CREG2: variants seen among roughly 807,000 people sequenced by gnomAD.
The protein encoded by CREG2 is protein CREG2.
In CREG2, 24 loss-of-function variants were observed where a neutral mutation model predicts 26.2. The observed-to-expected ratio is 0.92, with a 90% confidence interval of 0.66 to 1.29. CREG2 has a LOEUF of 1.29. Among genes scored for constraint, CREG2 ranks in the 50% most tolerant of loss-of-function variants. The probability of loss-of-function intolerance (pLI) is 0.00; values close to 1 mark genes in which losing one functional copy is unlikely to be tolerated. For synonymous variants in CREG2, 174 were observed against 169.2 expected (o/e 1.03, Z -0.22); for missense variants, 366 against 398.6 (o/e 0.92, Z 0.70).
rs1218300284 is a variant in CREG2, at chr2:101,346,147, C to G, written c.*4776G>C. 6.7e-6 allele frequency: 1 copy of G among 149,858 alleles called. No homozygotes were observed. The highest frequency in any genetic ancestry group is 1.5e-5 in the Non-Finnish European group (1 of 67,572). 9.3% of individuals were successfully genotyped at this position (149,858 alleles called of 1,614,324 possible). The stretch of plus-strand genomic sequence containing the variant: ...AGCTACCTTGCTCAGCCTAGAAATA[C>G]TTTTCAACCAAAAAGCGACTCTCTT... On this transcript the variant is annotated 3_prime_UTR_variant, in exon 4 of 4. Transcript: ENST00000324768.
Position 101,348,675 on chromosome 2 carries a change from GTTTT to G in CREG2, c.*2244_*2247del, listed in dbSNP as rs911083708. The G allele has an allele frequency of 6.8e-6, 1 of 147,162 alleles. No homozygotes were observed. The highest frequency in any genetic ancestry group is 2.5e-5 in the African/African-American group (1 of 40,568). The allele number at this position is 147,162 out of a possible 1,614,324, so 9.1% of individuals were successfully genotyped here. The stretch of plus-strand genomic sequence containing the variant: ...GTTGCACTCACATACTAGTTCCAGA[GTTTT>G]TTTTTAAAAAAAATAGATTATTTGG... On this transcript the variant is annotated 3_prime_UTR_variant, in exon 4 of 4. Transcript: ENST00000324768.
intron 3 of CREG2, among the ~76,000 whole-genome samples, chr2:101,353,262 A>T (rs1014764142): frequency 3.9e-5 from 6 of 152,218 alleles, no homozygotes; most frequent in South Asian, 2.1e-4. Context: ...CTTTAGTTTA[A>T]TTAGATCCCA....
intron 2 of CREG2, among the ~76,000 whole-genome samples, chr2:101,362,760 A>G (rs1211871374): frequency 3.3e-5 from 5 of 152,002 alleles, no homozygotes; most frequent in African/African-American, 1.2e-4. Flanking sequence ...TCCCCCTTTC[A>G]CCTGACTTTA....
In CREG2 at chr2:101,348,170, T is replaced by TC. The variant is rs1684330161; in HGVS notation, c.*2752dup. On this transcript the variant is annotated 3_prime_UTR_variant, in exon 4 of 4. Coordinates refer to ENST00000324768, the MANE Select transcript of CREG2 (RefSeq NM_153836.4). ...TGTTCCATCAATGTGTTTCTATGCC[T>TC]CCACCAAATACCACACTTCTTGAAT... 3 of 152,224 alleles carry TC rather than the reference T, an allele frequency of 2.0e-5. No individual in the cohort carries two copies. The South Asian group carries it at 6.2e-4, about 31-fold the overall frequency. 9.4% of individuals were successfully genotyped at this position (152,224 alleles called of 1,614,324 possible). A position where few individuals can be genotyped will look rare whatever the true frequency, so the allele number is the denominator to read the frequency against.
chr2:101,382,446 T>TAAGAA (rs1248361827), intron 2 of CREG2: 34 of 922,072 alleles, frequency 3.7e-5, no homozygotes, highest in Admixed American at 7.0e-5. Flanking sequence ...AAAAAAAGAG[T>TAAGAA]AAGAAAAGAA....
At chr2:101,354,807 A>T (rs1684431817) in intron 3 of CREG2, among the ~76,000 whole-genome samples, 1 of 152,012 alleles carries the variant, frequency 6.6e-6, no homozygotes, top group Non-Finnish European at 1.5e-5. Context: ...GGAGAGTTTG[A>T]TTCAGTAAGT....
rs113558023 is a variant in CREG2, at chr2:101,383,287, C to T, written c.611+246G>A. On this transcript the variant is annotated intron_variant, in intron 2 of 3. Transcript: ENST00000324768. ...TATTTCCAGCACTTGCAATAACCCT[C>T]GGAGGCAAAGATTATTATTCCCATT... 4.0e-3 allele frequency among the ~76,000 whole-genome samples: 604 copies of T among 152,276 alleles called. 6 individuals are homozygous for T. Among genetic ancestry groups the T allele is most frequent in the African/African-American group, 0.014 (569 of 41,548 alleles).
At chr2:101,382,789 T>C in intron 2 of CREG2, 1 of 985,448 alleles carries the variant, frequency 1.0e-6, no homozygotes, top group Non-Finnish European at 1.2e-6. Flanking sequence ...AAAGCATCAC[T>C]ACATTTAGGT....
intron 2 of CREG2, among the ~76,000 whole-genome samples, chr2:101,359,186 G>C (rs2104472731): frequency 6.6e-6 from 1 of 152,226 alleles, no homozygotes; most frequent in South Asian, 2.1e-4. Context: ...GGCAACTTGA[G>C]AGATCAAGTG....
At chr2:101,381,467 C>T (rs919475130) in intron 2 of CREG2, among the ~76,000 whole-genome samples, 7 of 152,244 alleles carry the variant, frequency 4.6e-5, no homozygotes, top group Non-Finnish European at 1.0e-4. Flanking sequence ...TCTGGGCTTA[C>T]GCCGATTATG....
chr2:101,370,381 A>G (rs1315689104), intron 2 of CREG2, among the ~76,000 whole-genome samples: 1 of 152,178 alleles, frequency 6.6e-6, no homozygotes, highest in Non-Finnish European at 1.5e-5. Context: ...TGGTGCTGAG[A>G]GTGTGCTCAA....
At chr2:101,378,253 T>C (rs1684819625) in intron 2 of CREG2, among the ~76,000 whole-genome samples, 2 of 152,218 alleles carry the variant, frequency 1.3e-5, no homozygotes, top group African/African-American at 4.8e-5. Flanking sequence ...TTGACTTCAT[T>C]TTACAAATGA....
chr2:101,375,675 G>A, intron 2 of CREG2: 1 of 198,822 alleles, frequency 5.0e-6, no homozygotes, highest in East Asian at 1.3e-4. Context: ...TCACGTCTAG[G>A]CATTTCCTCG....
At chr2:101,367,505 A>G (rs1684635981) in intron 2 of CREG2, among the ~76,000 whole-genome samples, 1 of 152,244 alleles carries the variant, frequency 6.6e-6, no homozygotes, top group African/African-American at 2.4e-5. Context: ...TGTAGCATAC[A>G]TTAGAATAAA....
Position 101,350,615 on chromosome 2 carries a change from C to A in CREG2, c.*308G>T. On this transcript the variant is annotated 3_prime_UTR_variant, in exon 4 of 4. Coordinates refer to ENST00000324768, the MANE Select transcript of CREG2 (RefSeq NM_153836.4). Reference sequence around the variant, plus strand: ...TTTTTTTCCTTAAACAATGAAACAACAATGATCTCAACATGTCATTTTGAC... The same window carrying A: ...TTTTTTTCCTTAAACAATGAAACAAAAATGATCTCAACATGTCATTTTGAC... 1 of 231,994 alleles carries A rather than the reference C, an allele frequency of 4.3e-6. No homozygotes were observed. Among genetic ancestry groups the A allele is most frequent in the Non-Finnish European group, 8.3e-6 (1 of 120,810 alleles). 14.4% of individuals were successfully genotyped at this position (231,994 alleles called of 1,614,324 possible).
rs142342232 is a variant in CREG2, at chr2:101,381,433, C to T, written c.611+2100G>A. On this transcript the variant is annotated intron_variant, in intron 2 of 3. Coordinates refer to ENST00000324768, the MANE Select transcript of CREG2 (RefSeq NM_153836.4). Reference sequence around the variant, plus strand: ...AAAATGTAAAGCTCCACTTGGAATGCGAACCTCACACAGGTGAGTCACATC... The same window carrying T: ...AAAATGTAAAGCTCCACTTGGAATGTGAACCTCACACAGGTGAGTCACATC... Among the ~76,000 whole-genome samples, 14 of 152,320 alleles carry T rather than the reference C, an allele frequency of 9.2e-5. No individual in the cohort carries two copies. In the South Asian group the frequency reaches 1.2e-3, roughly 14 times the overall value.
intron 2 of CREG2, among the ~76,000 whole-genome samples, chr2:101,356,726 G>A (rs1463627145): frequency 6.6e-6 from 1 of 152,118 alleles, no homozygotes; most frequent in Non-Finnish European, 1.5e-5. Context: ...ACCTGCACTG[G>A]AGGGTTCCTT....
chr2:101,381,531 T>G (rs563153714), intron 2 of CREG2, among the ~76,000 whole-genome samples: 16 of 152,368 alleles, frequency 1.1e-4, no homozygotes, highest in African/African-American at 2.6e-4. Context: ...AAGCTTTGCA[T>G]TGAAGTGTGA....
chr2:101,383,997 T>C (rs1395919567), intron 1 of CREG2, among the ~76,000 whole-genome samples: 2 of 152,192 alleles, frequency 1.3e-5, no homozygotes, highest in Non-Finnish European at 2.9e-5. Context: ...TATACTCACT[T>C]TGTTAAATTT....
Sources: allele counts gnomAD v4.1 joint callset (sites outside exome capture counted in the v4.1 genomes callset), GRCh38; gene constraint gnomAD v4.1.1; transcripts MANE v1.5; gene names NCBI Gene and HGNC (gene_info 2026-07-23, HGNC 2026-07-21).